The following VWF variants were observed in gnomAD, a reference collection of about 807,000 sequenced individuals.
VWF encodes the protein Factor VIII related antigen.
In VWF, 176 loss-of-function variants were observed where a neutral mutation model predicts 308.6. The observed-to-expected ratio is 0.57, with a 90% CI of 0.50 to 0.65. VWF has a LOEUF of 0.65. Ranked by LOEUF, VWF falls within the 30% of genes least tolerant of loss-of-function variation. VWF has a pLI of 0.00. For missense variants in VWF, 3,146 were observed against 3,648.2 expected (o/e 0.86, Z 3.55); for synonymous variants, 1,385 against 1,443.4 (o/e 0.96, Z 0.92).
At chr12:6,027,329 T>G (rs1023056530) in intron 22 of VWF, among the ~76,000 whole-genome samples, 1 of 152,236 alleles carries the variant, frequency 6.6e-6, no homozygotes, top group African/African-American at 2.4e-5. Context: ...CTGGCATGAC[T>G]CATTCCCTCC....
Position 6,025,544 on chromosome 12 carries a change from G to T in VWF, c.3222+36C>A, listed in dbSNP as rs1233906415. ...GTCCATACCACCAGGCCAAGCCTTG[G>T]GACCGTCTGCTTCCCACTACCCTCA... On this transcript the variant is annotated intron_variant, in intron 24 of 51. Transcript: ENST00000261405. 6 of 1,512,540 alleles carry T rather than the reference G, an allele frequency of 4.0e-6. No homozygotes were observed. In the East Asian group the frequency reaches 1.3e-4, roughly 34 times the overall value. The allele number at this position is 1,512,540 out of a possible 1,614,324, so 93.7% of individuals were successfully genotyped here. A position where few individuals can be genotyped will look rare whatever the true frequency, so the allele number is the denominator to read the frequency against.
At position 5,981,945 on chromosome 12, in the gene VWF, G is replaced by A; in HGVS notation, c.7128C>T (p.Pro2376=). ...TCCGAAGGGTGGGCAAACGGTGCGG[G>A]GGGCAGGAGGGTGGGGACACTCTTT... ...ECKRVSPPSC[P]PHRLPTLRKT... Residue 2376 remains proline, a synonymous_variant, in exon 42 of 52, where the codon CCC becomes CCT. Transcript: ENST00000261405. The A allele has an allele frequency of 1.2e-6, 2 of 1,613,766 alleles. No individual in the cohort carries two copies. Among genetic ancestry groups the A allele is most frequent in the South Asian group, 1.1e-5 (1 of 91,056 alleles).
Position 6,075,667 on chromosome 12 carries a change from C to G in VWF, c.658-116G>C, listed in dbSNP as rs558747625. 509 of 1,139,072 alleles carry G rather than the reference C, an allele frequency of 4.5e-4. 1 individual carries two copies. Among genetic ancestry groups the G allele is most frequent in the Admixed American group, 2.2e-3 (111 of 50,456 alleles). 70.6% of individuals were successfully genotyped at this position (1,139,072 alleles called of 1,614,324 possible). A position where few individuals can be genotyped will look rare whatever the true frequency, so the allele number is the denominator to read the frequency against. On this transcript the variant is annotated intron_variant, in intron 6 of 51. Coordinates refer to ENST00000261405, the MANE Select transcript of VWF (RefSeq NM_000552.5). This position sits in a 1 kb window ranked among gnomAD's most constrained non-coding sequence, Gnocchi z 4.7. ...CAGCTCCCTCAGCACCTGGGACAGG[C>G]TGGCACCAAGCACATGCATGTGTTC...
At chr12:6,080,980 C>T (rs532347910) in intron 6 of VWF, among the ~76,000 whole-genome samples, 5 of 152,156 alleles carry the variant, frequency 3.3e-5, no homozygotes, top group Non-Finnish European at 5.9e-5. Context: ...AGGAGCCAGG[C>T]GGGATGCCTA....
At chr12:6,045,404 G>T (rs2136441525) in intron 17 of VWF, among the ~76,000 whole-genome samples, 1 of 152,328 alleles carries the variant, frequency 6.6e-6, no homozygotes, top group African/African-American at 2.4e-5. Flanking sequence ...TCCTGACTTT[G>T]AAAAATATTA....
At chr12:5,978,744 G>T (rs1030153233) in intron 42 of VWF, among the ~76,000 whole-genome samples, 9 of 152,072 alleles carry the variant, frequency 5.9e-5, no homozygotes, top group African/African-American at 2.2e-4. Context: ...GCATTTCTAA[G>T]CTCTGTTCAC....
chr12:5,976,050 T>G, intron 43 of VWF, 61 bp downstream of exon 43: 1 of 1,608,692 alleles, frequency 6.2e-7, no homozygotes, highest in Non-Finnish European at 8.5e-7. Flanking sequence ...CTTCCTAAGA[T>G]GCCCTCCTCT....
At position 6,025,936 on chromosome 12, in the gene VWF, T is replaced by C; in HGVS notation, c.3078A>G (p.Lys1026=). The C allele has an allele frequency of 6.2e-7, 1 of 1,613,966 alleles. No individual in the cohort carries two copies. Among genetic ancestry groups the C allele is most frequent in the Non-Finnish European group, 8.5e-7 (1 of 1,179,868 alleles). The change falls in exon 23 of 52, where the codon AAA becomes AAG. Residue 1026 remains lysine, a synonymous_variant. Transcript: ENST00000261405. The part of the protein sequence containing the change: ...EDPVDFGNSW[K]VSSQCADTRK... ...TGGTGTCAGCACACTGCGAGCTCAC[T>C]TTCCAGGAGTTCCCAAAGTCCACAG...
In VWF at chr12:6,110,967, C is replaced by T. The variant is rs756159469; in HGVS notation, c.222G>A (p.Gly74=). 4 of 1,613,718 alleles carry T rather than the reference C, an allele frequency of 2.5e-6. No individual in the cohort carries two copies. The South Asian group carries it at 3.3e-5, about 13-fold the overall frequency. ...GCQKRSFSII[G]DFQNGKRVSL... is the part of the protein sequence containing the mutation. ...TCACTCTCTTGCCATTCTGGAAGTC[C>T]CCTGAAAGAGAAAAAAGTCAATAGT... The change falls in exon 4 of 52, where the codon GGG becomes GGA. Residue 74 remains glycine, a splice_region_variant and synonymous_variant. Transcript: ENST00000261405.
chr12:6,072,436 T>C lies in VWF; in HGVS notation c.1004A>G (p.Gln335Arg). 6.2e-7 allele frequency: 1 copy of C among 1,613,966 alleles called. No individual in the cohort carries two copies. The highest frequency in any genetic ancestry group is 8.5e-7 in the Non-Finnish European group (1 of 1,179,938). ...CVDGCSCPEG[Q>R]LLDEGLCVES... is the part of the protein sequence containing the mutation. ...CACGCAGAGGCCTTCATCCAGGAGC[T>C]GTCCCTCTGGGGTCAAGGGCATCAA... The change falls in exon 9 of 52, where the codon CAG becomes CGG. Residue 335 changes from glutamine (Q) to arginine (R), a missense_variant. This residue lies in a region of VWF where 1,304 missense variants were observed against 1,353.0 expected (regional missense o/e 0.96). Transcript: ENST00000261405.
At position 5,990,883 on chromosome 12, in the gene VWF, A is replaced by T. The variant is rs1248015650; in HGVS notation, c.6798+936T>A. On this transcript the variant is annotated intron_variant, in intron 38 of 51. Coordinates refer to ENST00000261405, the MANE Select transcript of VWF (RefSeq NM_000552.5). ...CCCATAGAGCTAAAAAAAAAAAAAA[A>T]AAAAAAAAAAAAAAAAAAAAAAAAA... Among the ~76,000 whole-genome samples the T allele has an allele frequency of 5.5e-5, 4 of 72,704 alleles. No individual in the cohort carries two copies. In the East Asian group the frequency reaches 2.4e-3, roughly 43 times the overall value. The allele number at this position is 72,704 out of a possible 152,430, so 47.7% of individuals were successfully genotyped here.
In VWF at chr12:6,018,858, G is replaced by C. The variant is rs1257255818; in HGVS notation, c.4560C>G (p.Phe1520Leu). 3 of 1,613,922 alleles carry C rather than the reference G, an allele frequency of 1.9e-6. No individual in the cohort carries two copies. The Admixed American group carries it at 5.0e-5, about 27-fold the overall frequency. ...GEADFNRSKE[F>L]MEEVIQRMDV... ...CCATCCGCTGAATCACCTCCTCCATGAACTCCTTGCTCCTGTTGAAGTCGG... is the reference window on the plus strand; with the variant it reads ...CCATCCGCTGAATCACCTCCTCCATCAACTCCTTGCTCCTGTTGAAGTCGG... The change falls in exon 28 of 52, where the codon TTC (phenylalanine) becomes TTG (leucine). Residue 1520 changes from phenylalanine (F) to leucine (L), a missense_variant. Phe to Leu is a conservative substitution (Grantham distance 22, BLOSUM62 0). Coordinates refer to ENST00000261405, the MANE Select transcript of VWF (RefSeq NM_000552.5).
Position 5,953,549 on chromosome 12 carries a change from A to C in VWF, c.7933T>G (p.Leu2645Val), listed in dbSNP as rs761852479. 4 of 1,614,180 alleles carry C rather than the reference A, an allele frequency of 2.5e-6. No homozygotes were observed. The highest frequency in any genetic ancestry group is 3.4e-6 in the Non-Finnish European group (4 of 1,180,034). The change falls in exon 48 of 52, where the codon TTG becomes GTG. Residue 2645 changes from leucine (L) to valine (V), a missense_variant. By Grantham distance (32) the Leu-to-Val change is conservative. Around this residue, in one of 3 missense-constraint regions of VWF, gnomAD observed 989 missense variants for 1,117.4 expected, o/e 0.89. Coordinates refer to ENST00000261405, the MANE Select transcript of VWF (RefSeq NM_000552.5). ...AGCTGAATGGTGCAAGCCGTAGGCA[A>C]ACATCTCCCACAACATTCACCTGTG... ...NNTGECCGRC[L>V]PTACTIQLRG... is the part of the protein sequence containing the mutation.
intron 47 of VWF, among the ~76,000 whole-genome samples, chr12:5,957,161 G>A (rs1268461746): frequency 6.6e-6 from 1 of 152,196 alleles, no homozygotes; most frequent in African/African-American, 2.4e-5. Flanking sequence ...TCACCTGGGA[G>A]TAACAGGTTA....
At chr12:5,985,501 TG>T (rs1943669171) in intron 39 of VWF, 61 bp downstream of exon 39, 30 of 1,535,288 alleles carry the variant, frequency 2.0e-5, no homozygotes, top group Non-Finnish European at 2.6e-5. Flanking sequence ...GATGGGTGGC[TG>T]GGGGGCCTTG....
chr12:6,028,427 T>C (rs1944219500), intron 22 of VWF, among the ~76,000 whole-genome samples: 1 of 152,004 alleles, frequency 6.6e-6, no homozygotes, highest in Admixed American at 6.6e-5. Context: ...AAGATACTCC[T>C]CAAGAAGAGC....
chr12:6,052,253 A>C (rs1196180881), intron 16 of VWF, among the ~76,000 whole-genome samples: 2 of 152,192 alleles, frequency 1.3e-5, no homozygotes, highest in Non-Finnish European at 2.9e-5. Context: ...GTTCCAGAAA[A>C]GGAAAACTGA....
At chr12:5,995,937 C>A in intron 35 of VWF, 65 bp downstream of exon 35, 1 of 1,514,742 alleles carries the variant, frequency 6.6e-7, no homozygotes, top group East Asian at 2.3e-5. Flanking sequence ...CAACTGCCAC[C>A]AGGTCCAGGT....
chr12:6,090,193 G>A (rs1460120590), intron 6 of VWF, among the ~76,000 whole-genome samples: 1 of 152,140 alleles, frequency 6.6e-6, no homozygotes, highest in East Asian at 1.9e-4. Flanking sequence ...TCCTGACCTC[G>A]TGATCCACCC....
Sources: gnomAD v4.1 joint callset for allele counts (sites outside exome capture counted in the v4.1 genomes callset) on GRCh38, gnomAD v4.1.1 for gene constraint, gnomAD v4.1.1 regional missense constraint, Gnocchi (gnomAD v3.1) non-coding constraint, MANE v1.5 for transcripts, NCBI Gene and HGNC (gene_info 2026-07-23, HGNC 2026-07-21) for gene names.